Variants in SPSB1 observed in about 807,000 individuals in gnomAD.
SPSB1 encodes the protein SPRY domain-containing SOCS box protein 1.
A neutral mutation model predicts 21.2 loss-of-function variants in SPSB1; 8 were observed. That is an observed-to-expected ratio of 0.38 (90% CI 0.22 to 0.68). SPSB1 has a LOEUF of 0.68. Among genes scored for constraint, SPSB1 ranks in the 30% least tolerant of loss-of-function variants. SPSB1 has a pLI of 0.53. For missense variants in SPSB1, 242 were observed against 377.8 expected (o/e 0.64, Z 2.98); for synonymous variants, 169 against 161.7 (o/e 1.05, Z -0.34).
intron 1 of SPSB1, among the ~76,000 whole-genome samples, chr1:9,332,167 A>G (rs1005088069): frequency 1.2e-3 from 187 of 151,612 alleles, no homozygotes; most frequent in African/African-American, 4.3e-3. Flanking sequence ...CCTGGGCAAC[A>G]TAGTGAGACC....
At chr1:9,333,669 G>A (rs1639959433) in intron 1 of SPSB1, among the ~76,000 whole-genome samples, 1 of 152,206 alleles carries the variant, frequency 6.6e-6, no homozygotes, top group Admixed American at 6.5e-5. Flanking sequence ...GTGTGAGCCT[G>A]CTGTGAACAG....
chr1:9,316,139 A>C (rs971278256), intron 1 of SPSB1, among the ~76,000 whole-genome samples: 4 of 152,156 alleles, frequency 2.6e-5, no homozygotes, highest in Non-Finnish European at 5.9e-5. Context: ...TTCCTGACTC[A>C]GCCTTGCCCT....
At chr1:9,351,047 AG>A (rs1228410821) in intron 1 of SPSB1, among the ~76,000 whole-genome samples, 2 of 152,264 alleles carry the variant, frequency 1.3e-5, no homozygotes, top group African/African-American at 4.8e-5. Context: ...CGCCATGTCC[AG>A]GAATTGTGAT....
rs914845047 is a variant in SPSB1, at chr1:9,369,283, T to G, written c.*1708T>G. 9 of 152,076 alleles carry G rather than the reference T, an allele frequency of 5.9e-5. No individual in the cohort carries two copies. The highest frequency in any genetic ancestry group is 1.9e-4 in the African/African-American group (8 of 41,344). The allele number at this position is 152,076 out of a possible 1,614,324, so 9.4% of individuals were successfully genotyped here. On this transcript the variant is annotated 3_prime_UTR_variant, in exon 3 of 3. Transcript: ENST00000328089. ...TCCCTCCTGTTTCAGGTGGGTCACATTCTGATGAATGTTTCCCTTGTACAG... is the reference window on the plus strand; with the variant it reads ...TCCCTCCTGTTTCAGGTGGGTCACAGTCTGATGAATGTTTCCCTTGTACAG...
intron 1 of SPSB1, among the ~76,000 whole-genome samples, chr1:9,302,961 GT>G (rs1639359307): frequency 1.3e-5 from 2 of 152,262 alleles, no homozygotes; most frequent in South Asian, 4.1e-4. Flanking sequence ...GGAGGTCTTG[GT>G]TCCAGAGAGA....
At chr1:9,309,799 A>G (rs1037247540) in intron 1 of SPSB1, among the ~76,000 whole-genome samples, 2 of 152,162 alleles carry the variant, frequency 1.3e-5, no homozygotes, top group Non-Finnish European at 2.9e-5. Flanking sequence ...CCAAGACTGC[A>G]CCATTGCACT....
At chr1:9,354,225 A>G (rs1348027425) in intron 1 of SPSB1, among the ~76,000 whole-genome samples, 2 of 151,966 alleles carry the variant, frequency 1.3e-5, no homozygotes, top group African/African-American at 4.8e-5. Context: ...AGCCTCCCCT[A>G]CCCCGGGTTC....
At chr1:9,298,084 G>A (rs1026298914) in intron 1 of SPSB1, among the ~76,000 whole-genome samples, 28 of 152,190 alleles carry the variant, frequency 1.8e-4, no homozygotes, top group African/African-American at 5.3e-4. Context: ...CCTAATGGAC[G>A]GCAGAGGCAA....
chr1:9,324,516 GGACTCGGT>G lies in SPSB1; in HGVS notation c.-149-31225_-149-31218del. On this transcript the variant is annotated intron_variant, in intron 1 of 2. Transcript: ENST00000328089. This position sits in a 1 kb window ranked among gnomAD's most constrained non-coding sequence, Gnocchi z 4.3. ...GTCGGCTCGGAGGGCTGTGGGCCCG[GGACTCGGT>G]GTGTCCGATGAGGAAACCAGCTTGG... Among the ~76,000 whole-genome samples, 1 of 152,206 alleles carries G rather than the reference GGACTCGGT, an allele frequency of 6.6e-6. No individual in the cohort carries two copies. Among genetic ancestry groups the G allele is most frequent in the East Asian group, 1.9e-4 (1 of 5,180 alleles).
intron 2 of SPSB1, among the ~76,000 whole-genome samples, chr1:9,357,512 G>C (rs72643850): frequency 6.6e-6 from 1 of 152,140 alleles, no homozygotes; most frequent in African/African-American, 2.4e-5. Context: ...GGGCCTCTCC[G>C]GTAAATGAAT....
At chr1:9,362,056 G>A (rs1204798576) in intron 2 of SPSB1, among the ~76,000 whole-genome samples, 1 of 152,214 alleles carries the variant, frequency 6.6e-6, no homozygotes, top group Admixed American at 6.5e-5. Context: ...GTTCAGGGAA[G>A]GTCAGCTCGT....
At position 9,348,348 on chromosome 1, in the gene SPSB1, G is replaced by A. The variant is rs981161958; in HGVS notation, c.-149-7395G>A. 1.3e-5 allele frequency among the ~76,000 whole-genome samples: 2 copies of A among 151,964 alleles called. No homozygotes were observed. Among genetic ancestry groups the A allele is most frequent in the African/African-American group, 2.4e-5 (1 of 41,360 alleles). On this transcript the variant is annotated intron_variant, in intron 1 of 2. Transcript: ENST00000328089. This position sits in a 1 kb window ranked among gnomAD's most constrained non-coding sequence, Gnocchi z 4.8. ...GTGCCTTGCATAATGAAAGCAAACC[G>A]TGGCTGTATCCAGAAGGCGCTCTCT...
chr1:9,332,520 AGAT>A (rs1191225504), intron 1 of SPSB1, among the ~76,000 whole-genome samples: 2 of 151,964 alleles, frequency 1.3e-5, no homozygotes, highest in African/African-American at 4.8e-5. Context: ...ACTGCTGGGG[AGAT>A]GATATTTGGT....
At chr1:9,361,545 C>T (rs1221684736) in intron 2 of SPSB1, among the ~76,000 whole-genome samples, 1 of 152,008 alleles carries the variant, frequency 6.6e-6, no homozygotes, top group Non-Finnish European at 1.5e-5. Flanking sequence ...CCAGGCAGAA[C>T]CCCCCCGCAG....
intron 2 of SPSB1, among the ~76,000 whole-genome samples, chr1:9,365,106 C>G (rs1640546563): frequency 6.6e-6 from 1 of 152,202 alleles, no homozygotes; most frequent in Admixed American, 6.5e-5. Flanking sequence ...ATGCGCCGGC[C>G]TCGGCCTCCC....
At position 9,363,194 on chromosome 1, in the gene SPSB1, C is replaced by T. The variant is rs1487326331; in HGVS notation, c.695-4254C>T. Among the ~76,000 whole-genome samples the T allele has an allele frequency of 6.6e-6, 1 of 152,200 alleles. No individual in the cohort carries two copies. The highest frequency in any genetic ancestry group is 1.5e-5 in the Non-Finnish European group (1 of 68,044). ...CTTTGGAAAGCAGTTAGACCGGGCC[C>T]TATGCGCCATCAGTTTCCTCCTGCA... On this transcript the variant is annotated intron_variant, in intron 2 of 2. Transcript: ENST00000328089. This position sits in a 1 kb window ranked among gnomAD's most constrained non-coding sequence, Gnocchi z 4.5.
In SPSB1 at chr1:9,293,378, G is replaced by T. The variant is rs868528155; in HGVS notation, c.-150+307G>T. On this transcript the variant is annotated intron_variant, in intron 1 of 2. Transcript: ENST00000328089. The surrounding 1 kb of genome is among the most constrained non-coding windows in gnomAD (Gnocchi z 5.1). Reference sequence around the variant, plus strand: ...CGAGGCGCGGCGGGGGTCTCGGGGCGCGGGGACCGTCGCAACGAGTTGCGG... The same window carrying T: ...CGAGGCGCGGCGGGGGTCTCGGGGCTCGGGGACCGTCGCAACGAGTTGCGG... Among the ~76,000 whole-genome samples, 3 of 151,326 alleles carry T rather than the reference G, an allele frequency of 2.0e-5. No homozygotes were observed. The highest frequency in any genetic ancestry group is 3.9e-4 in the East Asian group (2 of 5,130).
chr1:9,347,829 C>T (rs556356041), intron 1 of SPSB1, among the ~76,000 whole-genome samples: 12 of 152,140 alleles, frequency 7.9e-5, no homozygotes, highest in African/African-American at 2.2e-4. Context: ...GGGACTGCCT[C>T]GTTGTACCTG....
In SPSB1 at chr1:9,323,290, C is replaced by T. The variant is rs1358892993; in HGVS notation, c.-150+30219C>T. Among the ~76,000 whole-genome samples the T allele has an allele frequency of 2.0e-5, 3 of 152,236 alleles. 1 individual carries two copies. The highest frequency in any genetic ancestry group is 4.1e-4 in the South Asian group (2 of 4,828). ...CCCGCCGAGCCGAGGGGGGCTGTGG[C>T]TCCACTGGGCCCCTCTCTGGCCCCA... On this transcript the variant is annotated intron_variant, in intron 1 of 2. Transcript: ENST00000328089.
Sources: allele counts gnomAD v4.1 joint callset (sites outside exome capture counted in the v4.1 genomes callset), GRCh38; gene constraint gnomAD v4.1.1; non-coding constraint Gnocchi (gnomAD v3.1); transcripts MANE v1.5; gene names NCBI Gene and HGNC (gene_info 2026-07-23, HGNC 2026-07-21).